SLC25A22: variants seen among roughly 807,000 people sequenced by gnomAD.
The protein encoded by SLC25A22 is solute carrier family 25 member 22.
SLC25A22 carries 23 observed loss-of-function variants against 33.7 expected under a neutral mutation model. That is an observed-to-expected ratio of 0.68 (90% CI 0.49 to 0.97). The LOEUF is 0.97. SLC25A22 is among the 50% of genes least tolerant of loss of function. SLC25A22 has a pLI of 0.00. For missense variants in SLC25A22, 390 were observed against 451.1 expected (o/e 0.86, Z 1.23); for synonymous variants, 245 against 203.8 (o/e 1.20, Z -1.72).
intron 1 of SLC25A22, chr11:795,414 G>A (rs894970488): frequency 2.8e-5 from 9 of 325,592 alleles, no homozygotes; most frequent in Middle Eastern, 1.1e-3. Flanking sequence ...CTCACACGCC[G>A]CTCACGCTCG....
chr11:797,683 C>T, intron 1 of SLC25A22: 2 of 398,694 alleles, frequency 5.0e-6, no homozygotes, highest in East Asian at 3.6e-5. Flanking sequence ...CCGCTGTCCC[C>T]GTCCTCTTGG....
At chr11:798,053 C>A in intron 1 of SLC25A22, 164 bp downstream of exon 1, 1 of 398,372 alleles carries the variant, frequency 2.5e-6, no homozygotes, top group Non-Finnish European at 4.4e-6. Context: ...CCAGAGCAGC[C>A]GCGGATCGGA....
At chr11:798,000 G>A in intron 1 of SLC25A22, 1 of 398,426 alleles carries the variant, frequency 2.5e-6, no homozygotes, top group East Asian at 3.6e-5. Context: ...GTATGTGCGG[G>A]GAGCGCGCCC....
rs1435430164 is a variant in SLC25A22 at position 795,082 on chromosome 11, G to A, written c.-76C>T. 2.6e-6 allele frequency: 4 copies of A among 1,534,036 alleles called. No homozygotes were observed. The highest frequency in any genetic ancestry group is 2.7e-5 in the African/African-American group (2 of 72,814). On this transcript the variant is annotated 5_prime_UTR_variant, in exon 2 of 10. Coordinates refer to ENST00000628067, the MANE Select transcript of SLC25A22 (RefSeq NM_001191061.2). ...GCGGGGTGGAGGTGGAGGTGGAGGA[G>A]GCCTTGAGGGAGGGTGGGACCCAGG...
At chr11:796,258 C>CG (rs1428852321) in intron 1 of SLC25A22, 1 of 59,712 alleles carries the variant, frequency 1.7e-5, no homozygotes, top group Non-Finnish European at 3.5e-5. Context: ...GGGAAGCTGC[C>CG]GGGGGAGGAG....
In SLC25A22 at chr11:792,440, C is replaced by T. The variant is rs781753877; in HGVS notation, c.606G>A (p.Val202=). The change falls in exon 8 of 10, where the codon GTG becomes GTA. Residue 202 remains valine (V), a synonymous_variant. Coordinates refer to ENST00000628067, the MANE Select transcript of SLC25A22 (RefSeq NM_001191061.2). ...GGTTGGCAAAGAGCGGGAAGTACAC[C>T]ACAGAGAAGGGGACATCCCTGTGGG... ...ATLLRDVPFS[V]VYFPLFANLN... 3 of 1,613,444 alleles carry T rather than the reference C, an allele frequency of 1.9e-6. No homozygotes were observed. Among genetic ancestry groups the T allele is most frequent in the Non-Finnish European group, 2.5e-6 (3 of 1,179,952 alleles).
Position 792,395 on chromosome 11 carries a change from C to T in SLC25A22, c.651G>A (p.Pro217=), listed in dbSNP as rs768604742. The T allele has an allele frequency of 5.3e-5, 85 of 1,613,182 alleles. No homozygotes were observed. Among genetic ancestry groups the T allele is most frequent in the Non-Finnish European group, 1.4e-5 (16 of 1,179,944 alleles). Residue 217 remains proline, a synonymous_variant, in exon 8 of 10, where the codon CCG becomes CCA. Coordinates refer to ENST00000628067, the MANE Select transcript of SLC25A22 (RefSeq NM_001191061.2). The stretch of plus-strand genomic sequence containing the variant: ...AGAAAGGCGACTTCTCCTCGGACGC[C>T]GGGCGGCCCAGCTGGTTCAGGTTGG... ...LFANLNQLGR[P]ASEEKSPFYV... is the part of the protein sequence containing the mutation.
intron 4 of SLC25A22, chr11:794,088 C>A: frequency 1.9e-6 from 1 of 538,876 alleles, no homozygotes; most frequent in Non-Finnish European, 3.5e-6. Flanking sequence ...CAAATCTAGG[C>A]TCTGGATTGT....
At position 791,797 on chromosome 11, in the gene SLC25A22, G is replaced by T; in HGVS notation, c.*118C>A. ...TGGACCCTGCACCCTGCCCCCTGCTGCCCCTGCCGACGGGAGGGCTGGGGA... is the reference window on the plus strand; with the variant it reads ...TGGACCCTGCACCCTGCCCCCTGCTTCCCCTGCCGACGGGAGGGCTGGGGA... On this transcript the variant is annotated 3_prime_UTR_variant, in exon 10 of 10. Transcript: ENST00000628067. 1 of 1,378,310 alleles carries T rather than the reference G, an allele frequency of 7.3e-7. No homozygotes were observed. The highest frequency in any genetic ancestry group is 9.6e-7 in the Non-Finnish European group (1 of 1,036,684). The allele number at this position is 1,378,310 out of a possible 1,614,324, so 85.4% of individuals were successfully genotyped here. A position where few individuals can be genotyped will look rare whatever the true frequency, so the allele number is the denominator to read the frequency against.
intron 4 of SLC25A22, chr11:793,880 G>A (rs1864659607): frequency 1.8e-6 from 1 of 564,148 alleles, no homozygotes; most frequent in Admixed American, 3.0e-5. Context: ...TGCTGCTCAG[G>A]GCATGAGGAC....
intron 6 of SLC25A22, 63 bp from the exon 7 acceptor site, chr11:792,790 C>T (rs1864604255): frequency 6.4e-7 from 1 of 1,550,754 alleles, no homozygotes; most frequent in East Asian, 2.4e-5. Context: ...ACGCTCTGGC[C>T]CTCCCTGCGT....
At chr11:793,293 G>A (rs1290693365) in intron 5 of SLC25A22, among the ~76,000 whole-genome samples, 1 of 152,222 alleles carries the variant, frequency 6.6e-6, no homozygotes, top group Non-Finnish European at 1.5e-5. Flanking sequence ...CAGTGATGGG[G>A]GAGCTGGTCA....
chr11:794,426 C>T, intron 4 of SLC25A22, 32 bp downstream of exon 4: 1 of 1,608,754 alleles, frequency 6.2e-7, no homozygotes, highest in Non-Finnish European at 8.5e-7. Context: ...CCCAGGCCTG[C>T]CCATATCGAG....
intron 1 of SLC25A22, chr11:797,633 T>C: frequency 2.5e-6 from 1 of 398,542 alleles, no homozygotes; most frequent in Non-Finnish European, 4.4e-6. Context: ...GCAATGGGGG[T>C]GAGGCTCCGA....
At position 791,756 on chromosome 11, in the gene SLC25A22, G is replaced by A. The variant is rs148144757; in HGVS notation, c.*159C>T. The A allele has an allele frequency of 1.1e-4, 111 of 980,108 alleles. 1 individual carries two copies. In the Middle Eastern group the frequency reaches 2.0e-3, roughly 18 times the overall value. 60.7% of individuals were successfully genotyped at this position (980,108 alleles called of 1,614,324 possible). On this transcript the variant is annotated 3_prime_UTR_variant, in exon 10 of 10. Coordinates refer to ENST00000628067, the MANE Select transcript of SLC25A22 (RefSeq NM_001191061.2). ...GCAGGCAGCACCCCGGGGGGCTTGC[G>A]TGTGCACCACCTATGTGGACCCTGC...
rs759144900 is a variant in SLC25A22 at position 794,846 on chromosome 11, C to A, written c.76G>T (p.Val26Leu). 1 of 1,583,578 alleles carries A rather than the reference C, an allele frequency of 6.3e-7. No individual in the cohort carries two copies. The highest frequency in any genetic ancestry group is 1.8e-5 in the Admixed American group (1 of 54,582). ...GIAGLIGVTC[V>L]FPIDLAKTRL... is the part of the protein sequence containing the mutation. ...GTCTTGGCCAGGTCGATGGGAAACACGCAGGTGACACCGATCAGCCCGGCG... is the reference window on the plus strand; with the variant it reads ...GTCTTGGCCAGGTCGATGGGAAACAAGCAGGTGACACCGATCAGCCCGGCG... Residue 26 changes from valine (V) to leucine (L), a missense_variant, in exon 3 of 10, where the codon GTG becomes TTG. Coordinates refer to ENST00000628067, the MANE Select transcript of SLC25A22 (RefSeq NM_001191061.2).
At chr11:795,291 C>CA in intron 1 of SLC25A22, 122 bp from the exon 2 acceptor site, 1 of 588,686 alleles carries the variant, frequency 1.7e-6, no homozygotes, top group Admixed American at 2.6e-5. Flanking sequence ...GTCACTGCGT[C>CA]CTGAGGGTGC....
chr11:793,923 C>T, intron 4 of SLC25A22: 1 of 503,062 alleles, frequency 2.0e-6, no homozygotes, highest in Non-Finnish European at 3.6e-6. Context: ...CCCTAGGATA[C>T]CTCTCCCTCC....
rs780763318 is a variant in SLC25A22 at position 794,461 on chromosome 11, G to A, written c.199C>T (p.Arg67Trp). 4.3e-6 allele frequency: 7 copies of A among 1,612,734 alleles called. No homozygotes were observed. The highest frequency in any genetic ancestry group is 2.2e-5 in the East Asian group (1 of 44,866). ...VRSEGYFGMY[R>W]GAAVNLTLVT... ...GCCCAGCCGAGCCAAACCTCACCCC[G>A]GTACATGCCGAAGTAGCCCTCGGAG... Residue 67 changes from arginine (R) to tryptophan (W), a missense_variant, in exon 4 of 10, where the codon CGG (arginine) becomes TGG (tryptophan). Coordinates refer to ENST00000628067, the MANE Select transcript of SLC25A22 (RefSeq NM_001191061.2).
Sources: gnomAD v4.1 joint callset for allele counts (sites outside exome capture counted in the v4.1 genomes callset) on GRCh38, gnomAD v4.1.1 for gene constraint, MANE v1.5 for transcripts, NCBI Gene and HGNC (gene_info 2026-07-23, HGNC 2026-07-21) for gene names.